Variants in BRIP1 observed in about 807,000 individuals in gnomAD.
BRIP1 encodes the protein BRCA1 interacting DNA helicase 1, also known as Fanconi anemia group J protein.
BRIP1 carries 88 observed loss-of-function variants against 119.7 expected under a neutral mutation model. That is an observed-to-expected ratio of 0.74 (90% CI 0.62 to 0.88). The LOEUF is 0.88. Among genes scored for constraint, BRIP1 ranks in the 40% least tolerant of loss-of-function variants. The pLI, the probability that BRIP1 is intolerant of heterozygous loss-of-function variation, is 0.00. For synonymous variants in BRIP1, 443 were observed against 496.5 expected (o/e 0.89, Z 1.43); for missense variants, 1,259 against 1,455.4 (o/e 0.87, Z 2.20).
In BRIP1 at chr17:61,686,991, T is replaced by A. The variant is rs1054116055; in HGVS notation, c.2576-826A>T. 2.0e-5 allele frequency among the ~76,000 whole-genome samples: 3 copies of A among 152,166 alleles called. No individual in the cohort carries two copies. Among genetic ancestry groups the A allele is most frequent in the Admixed American group, 1.3e-4 (2 of 15,276 alleles). ...GTTCTAGATTTTAAAACTAAAAAAATTTTAAATAAGCCATTTCCCTTGAAG... is the reference window on the plus strand; with the variant it reads ...GTTCTAGATTTTAAAACTAAAAAAAATTTAAATAAGCCATTTCCCTTGAAG... On this transcript the variant is annotated intron_variant, in intron 18 of 19. Transcript: ENST00000259008. This position sits in a 1 kb window ranked among gnomAD's most constrained non-coding sequence, Gnocchi z 5.4.
Position 61,810,620 on chromosome 17 carries a change from G to A in BRIP1, c.628-1863C>T, listed in dbSNP as rs77641265. On this transcript the variant is annotated intron_variant, in intron 6 of 19. Coordinates refer to ENST00000259008, the MANE Select transcript of BRIP1 (RefSeq NM_032043.3). The surrounding 1 kb of genome is among the most constrained non-coding windows in gnomAD (Gnocchi z 4.7). ...CTAAGCATAAAAGTAATCCAATAAA[G>A]TAGCTTTTTCTCAAGGCTGGGAAAA... Among the ~76,000 whole-genome samples, 19 of 152,100 alleles carry A rather than the reference G, an allele frequency of 1.2e-4. No individual in the cohort carries two copies. In the East Asian group the frequency reaches 3.7e-3, roughly 29 times the overall value.
In BRIP1 at chr17:61,710,236, C is replaced by G. The variant is rs1479752608; in HGVS notation, c.2492+5715G>C. ...ATAAATACATGATTTTTATGATATT[C>G]CAGGAAAGCATGTTTTGAAGCTCTA... is the stretch of plus-strand genomic sequence containing the variant. On this transcript the variant is annotated intron_variant, in intron 17 of 19. Coordinates refer to ENST00000259008, the MANE Select transcript of BRIP1 (RefSeq NM_032043.3). The surrounding 1 kb of genome is among the most constrained non-coding windows in gnomAD (Gnocchi z 5.4). Among the ~76,000 whole-genome samples, 1 of 151,968 alleles carries G rather than the reference C, an allele frequency of 6.6e-6. No homozygotes were observed. The highest frequency in any genetic ancestry group is 2.4e-5 in the African/African-American group (1 of 41,328).
chr17:61,688,754 TAA>T (rs200908748), intron 18 of BRIP1, among the ~76,000 whole-genome samples: 8 of 120,898 alleles, frequency 6.6e-5, no homozygotes, highest in African/African-American at 9.2e-5. Flanking sequence ...AACCAACCCT[TAA>T]AAAAAAAAAA....
rs151338578 is a variant in BRIP1 at position 61,701,326 on chromosome 17, C to A, written c.2493-7814G>T. ...GTTCTTGTAATTTTTCTAAAATAAT[C>A]TTGTAAAGTCTGTATTGTCATGTGT... On this transcript the variant is annotated intron_variant, in intron 17 of 19. Transcript: ENST00000259008. The surrounding 1 kb of genome is among the most constrained non-coding windows in gnomAD (Gnocchi z 5.1). 2.6e-5 allele frequency among the ~76,000 whole-genome samples: 4 copies of A among 152,260 alleles called. No individual in the cohort carries two copies. The East Asian group carries it at 7.7e-4, about 29-fold the overall frequency.
intron 10 of BRIP1, among the ~76,000 whole-genome samples, chr17:61,790,150 G>A (rs2077793432): frequency 2.0e-5 from 3 of 152,134 alleles, no homozygotes. Context: ...TTCAACTTCT[G>A]TCACCATAAT....
rs2144095373 is a variant in BRIP1, at chr17:61,684,179, C to G, written c.2906-39G>C. On this transcript the variant is annotated intron_variant, in intron 19 of 19. Coordinates refer to ENST00000259008, the MANE Select transcript of BRIP1 (RefSeq NM_032043.3). This position sits in a 1 kb window ranked among gnomAD's most constrained non-coding sequence, Gnocchi z 4.5. ...AATTTAAGAGATTTAACTTTCTGCT[C>G]CTAGCTAACATAATTGCTAGGTTAA... 6.2e-7 allele frequency: 1 copy of G among 1,600,072 alleles called. No homozygotes were observed. The highest frequency in any genetic ancestry group is 8.6e-7 in the Non-Finnish European group (1 of 1,169,522).
Position 61,860,973 on chromosome 17 carries a change from T to C in BRIP1, c.93+474A>G, listed in dbSNP as rs1263547097. On this transcript the variant is annotated intron_variant, in intron 2 of 19. Transcript: ENST00000259008. The surrounding 1 kb of genome is among the most constrained non-coding windows in gnomAD (Gnocchi z 4.1). The stretch of plus-strand genomic sequence containing the variant: ...TATATGTAATAAAAGTATAAAAACA[T>C]GGCTAGGAAAGGAAAAGAACAAATT... 6.6e-6 allele frequency among the ~76,000 whole-genome samples: 1 copy of C among 152,126 alleles called. No homozygotes were observed. Among genetic ancestry groups the C allele is most frequent in the Non-Finnish European group, 1.5e-5 (1 of 68,020 alleles).
Position 61,793,746 on chromosome 17 carries a change from C to A in BRIP1, c.1341-17G>T, listed in dbSNP as rs2145245872. 3.1e-6 allele frequency: 5 copies of A among 1,604,738 alleles called. No individual in the cohort carries two copies. The highest frequency in any genetic ancestry group is 3.4e-6 in the Non-Finnish European group (4 of 1,177,246). ...TCTAACCAACTGAAATAAAATAAAACAATTGTGTCAACCAGTATCATCCTT... is the reference window on the plus strand; with the variant it reads ...TCTAACCAACTGAAATAAAATAAAAAAATTGTGTCAACCAGTATCATCCTT... On this transcript the variant is annotated splice_polypyrimidine_tract_variant and intron_variant, in intron 9 of 19. Coordinates refer to ENST00000259008, the MANE Select transcript of BRIP1 (RefSeq NM_032043.3). This position sits in a 1 kb window ranked among gnomAD's most constrained non-coding sequence, Gnocchi z 5.2.
Position 61,774,491 on chromosome 17 carries a change from G to A in BRIP1, c.2097+1910C>T, listed in dbSNP as rs574167650. 4.8e-4 allele frequency among the ~76,000 whole-genome samples: 73 copies of A among 152,228 alleles called. No homozygotes were observed. The highest frequency in any genetic ancestry group is 3.4e-3 in the Middle Eastern group (1 of 294). ...AGGAGAAATACCTAATGTAAATGAC[G>A]AGTTGATGGGTGCAGCAAACCAGCA... On this transcript the variant is annotated intron_variant, in intron 14 of 19. Transcript: ENST00000259008. The surrounding 1 kb of genome is among the most constrained non-coding windows in gnomAD (Gnocchi z 5.8).
rs73328571 is a variant in BRIP1, at chr17:61,753,055, A to G, written c.2098-8464T>C. Among the ~76,000 whole-genome samples the G allele has an allele frequency of 4.3e-4, 65 of 152,280 alleles. No homozygotes were observed. Among genetic ancestry groups the G allele is most frequent in the African/African-American group, 1.5e-3 (61 of 41,552 alleles). On this transcript the variant is annotated intron_variant, in intron 14 of 19. Coordinates refer to ENST00000259008, the MANE Select transcript of BRIP1 (RefSeq NM_032043.3). This position sits in a 1 kb window ranked among gnomAD's most constrained non-coding sequence, Gnocchi z 4.6. ...CCCTCATGAATGGATTTGTCCAGTC[A>G]TGTATTAATGGCTTATCATGGGAGT...
intron 14 of BRIP1, among the ~76,000 whole-genome samples, chr17:61,771,637 T>TA (rs1375058710): frequency 2.0e-5 from 3 of 151,866 alleles, no homozygotes; most frequent in South Asian, 4.1e-4. Flanking sequence ...GCATTGACTA[T>TA]AAAAAAAACA....
intron 16 of BRIP1, among the ~76,000 whole-genome samples, chr17:61,737,506 G>A (rs1265102423): frequency 6.6e-6 from 1 of 151,982 alleles, no homozygotes; most frequent in African/African-American, 2.4e-5. Flanking sequence ...TGACACCAAA[G>A]CACAGGCAAC....
At position 61,846,420 on chromosome 17, in the gene BRIP1, C is replaced by G. The variant is rs1030405685; in HGVS notation, c.627+681G>C. Among the ~76,000 whole-genome samples the G allele has an allele frequency of 1.3e-5, 2 of 151,676 alleles. No individual in the cohort carries two copies. The highest frequency in any genetic ancestry group is 2.4e-5 in the African/African-American group (1 of 41,306). On this transcript the variant is annotated intron_variant, in intron 6 of 19. Coordinates refer to ENST00000259008, the MANE Select transcript of BRIP1 (RefSeq NM_032043.3). This position sits in a 1 kb window ranked among gnomAD's most constrained non-coding sequence, Gnocchi z 4.3. ...TTTTTTTTTGAGACGGGGTCTCACT[C>G]TGTCATCCAGGCTGGAGTGCAGTGT...
chr17:61,745,254 T>A lies in BRIP1; in HGVS notation c.2098-663A>T, dbSNP rs997944164. 6.6e-6 allele frequency among the ~76,000 whole-genome samples: 1 copy of A among 152,220 alleles called. No individual in the cohort carries two copies. The highest frequency in any genetic ancestry group is 1.5e-5 in the Non-Finnish European group (1 of 68,042). On this transcript the variant is annotated intron_variant, in intron 14 of 19. Transcript: ENST00000259008. This position sits in a 1 kb window ranked among gnomAD's most constrained non-coding sequence, Gnocchi z 4.4. ...ATTACAAAAGGACATTCAACAAATT[T>A]TAAGCAATCCTTATCATATTGATCA... is the stretch of plus-strand genomic sequence containing the variant.
At chr17:61,779,310 T>A (rs975809921) in intron 13 of BRIP1, among the ~76,000 whole-genome samples, 4 of 152,170 alleles carry the variant, frequency 2.6e-5, no homozygotes, top group Non-Finnish European at 5.9e-5. Context: ...GGCATGGTAG[T>A]ACATGCCTGT....
At position 61,710,562 on chromosome 17, in the gene BRIP1, TATG is replaced by T. The variant is rs1199114035; in HGVS notation, c.2492+5386_2492+5388del. Among the ~76,000 whole-genome samples, 2 of 152,216 alleles carry T rather than the reference TATG, an allele frequency of 1.3e-5. No individual in the cohort carries two copies. Among genetic ancestry groups the T allele is most frequent in the Non-Finnish European group, 2.9e-5 (2 of 68,036 alleles). On this transcript the variant is annotated intron_variant, in intron 17 of 19. Transcript: ENST00000259008. The surrounding 1 kb of genome is among the most constrained non-coding windows in gnomAD (Gnocchi z 5.4). ...ATTGCTAAATTTGCCAAACGAATTGTATGATAACTTATAAGCCAAGGCAAAGCA... is the reference window on the plus strand; with the variant it reads ...ATTGCTAAATTTGCCAAACGAATTGTATAACTTATAAGCCAAGGCAAAGCA...
rs1327816067 is a variant in BRIP1, at chr17:61,769,054, G to A, written c.2097+7347C>T. 6.6e-6 allele frequency among the ~76,000 whole-genome samples: 1 copy of A among 152,096 alleles called. No individual in the cohort carries two copies. Among genetic ancestry groups the A allele is most frequent in the East Asian group, 1.9e-4 (1 of 5,192 alleles). ...AAGAGTCATCCTTAGCCAACAGCCC[G>A]CAAAAGACTGGGTATCTCACTCAGT... On this transcript the variant is annotated intron_variant, in intron 14 of 19. Coordinates refer to ENST00000259008, the MANE Select transcript of BRIP1 (RefSeq NM_032043.3). This position sits in a 1 kb window ranked among gnomAD's most constrained non-coding sequence, Gnocchi z 4.9.
At position 61,780,987 on chromosome 17, in the gene BRIP1, T is replaced by C. The variant is rs1349098933; in HGVS notation, c.1647A>G (p.Lys549=). 1 of 1,613,938 alleles carries C rather than the reference T, an allele frequency of 6.2e-7. No homozygotes were observed. The highest frequency in any genetic ancestry group is 1.7e-5 in the Admixed American group (1 of 60,016). Residue 549 remains lysine (K), a synonymous_variant, in exon 12 of 20, where the codon AAA becomes AAG. Transcript: ENST00000259008. This position sits in a 1 kb window ranked among gnomAD's most constrained non-coding sequence, Gnocchi z 5.4. ...RQNSRFADDY[K]IAIQQTYSWT... ...AGGAGTAAGTCTGTTGAATCGCAAT[T>C]TTATAATCATCTGCAAATCTAGATG...
rs1198558522 is a variant in BRIP1 at position 61,824,328 on chromosome 17, T to C, written c.628-15571A>G. Among the ~76,000 whole-genome samples the C allele has an allele frequency of 2.0e-5, 3 of 152,182 alleles. No homozygotes were observed. The highest frequency in any genetic ancestry group is 4.4e-5 in the Non-Finnish European group (3 of 68,030). ...AGAAAATACCATCCTAAAATTCACA[T>C]GGATTCTCAAGGAACCCCGAATAAC... On this transcript the variant is annotated intron_variant, in intron 6 of 19. Transcript: ENST00000259008. This position sits in a 1 kb window ranked among gnomAD's most constrained non-coding sequence, Gnocchi z 4.3.
Sources: gnomAD v4.1 joint callset for allele counts (sites outside exome capture counted in the v4.1 genomes callset) on GRCh38, gnomAD v4.1.1 for gene constraint, Gnocchi (gnomAD v3.1) non-coding constraint, MANE v1.5 for transcripts, NCBI Gene and HGNC (gene_info 2026-07-23, HGNC 2026-07-21) for gene names.